Variants in ABCB4 observed in about 807,000 individuals in gnomAD.
ABCB4 encodes phosphatidylcholine translocator ABCB4.
A neutral mutation model predicts 145.7 loss-of-function variants in ABCB4; 76 were observed. The observed-to-expected ratio is 0.52, with a 90% confidence interval of 0.43 to 0.63. ABCB4 has a LOEUF of 0.63. Among genes scored for constraint, ABCB4 ranks in the 30% least tolerant of loss-of-function variants. The probability of loss-of-function intolerance (pLI) is 0.00; values close to 1 mark genes in which losing one functional copy is unlikely to be tolerated. For synonymous variants in ABCB4, 517 were observed against 566.8 expected (o/e 0.91, Z 1.25); for missense variants, 1,234 against 1,553.1 (o/e 0.79, Z 3.45).
downstream of ABCB4, chr7:87,398,535 C>T: frequency 2.5e-6 from 4 of 1,613,658 alleles, no homozygotes; most frequent in Non-Finnish European, 3.4e-6. Flanking sequence ...TTTGTTGTGG[C>T]CTGTTCAGCC....
chr7:87,442,445 C>T (rs1442961749), intron 12 of ABCB4, among the ~76,000 whole-genome samples: 1 of 151,892 alleles, frequency 6.6e-6, no homozygotes, highest in East Asian at 1.9e-4. Flanking sequence ...AATTATAATC[C>T]ATTTTAATAT....
intron 9 of ABCB4, among the ~76,000 whole-genome samples, chr7:87,446,318 C>T (rs1811341169): frequency 6.6e-6 from 1 of 152,074 alleles, no homozygotes; most frequent in East Asian, 1.9e-4. Context: ...TTCTGAGTCT[C>T]TGACATGAAA....
intron 3 of ABCB4, among the ~76,000 whole-genome samples, chr7:87,467,018 C>T (rs1812952578): frequency 6.6e-6 from 1 of 152,174 alleles, no homozygotes; most frequent in Admixed American, 6.5e-5. Flanking sequence ...CAGCTAAAAT[C>T]ATAATGACAG....
rs753463019 is a variant in ABCB4, at chr7:87,418,644, TGTTA to T, written c.2395-28_2395-25del. The T allele has an allele frequency of 3.7e-6, 6 of 1,608,488 alleles. No homozygotes were observed. The African/African-American group carries it at 8.0e-5, about 21-fold the overall frequency. On this transcript the variant is annotated intron_variant, in intron 19 of 27. Coordinates refer to ENST00000649586, the MANE Select transcript of ABCB4 (RefSeq NM_000443.4). ...TCCTATGGCATAAAATACACGTTTA[TGTTA>T]GTTCAAAATTAAAACAAGCAAAGAA...
At chr7:87,432,556 T>C (rs1454220794) in intron 14 of ABCB4, among the ~76,000 whole-genome samples, 1 of 152,226 alleles carries the variant, frequency 6.6e-6, no homozygotes, top group African/African-American at 2.4e-5. Context: ...ATAGAATGCA[T>C]TTTGATTCAC....
chr7:87,444,184 G>T (rs1468200478), intron 10 of ABCB4, among the ~76,000 whole-genome samples: 1 of 152,130 alleles, frequency 6.6e-6, no homozygotes, highest in Non-Finnish European at 1.5e-5. Context: ...GTAATAGATT[G>T]AATTGAGAAG....
the ABCB4 span, among the ~76,000 whole-genome samples, chr7:87,370,274 C>T: frequency 2.4e-4 from 36 of 152,270 alleles, no homozygotes; most frequent in South Asian, 5.0e-3. Flanking sequence ...CCTCCACATT[C>T]CAGGTTCAAG....
intron 22 of ABCB4, among the ~76,000 whole-genome samples, chr7:87,412,894 C>T (rs1228839160): frequency 6.6e-6 from 1 of 152,124 alleles, no homozygotes; most frequent in Non-Finnish European, 1.5e-5. Flanking sequence ...CAAATGGACA[C>T]AAAGGTGTAG....
In ABCB4 at chr7:87,457,269, G is replaced by A. The variant is rs1158335610; in HGVS notation, c.287-2677C>T. Reference sequence around the variant, plus strand: ...TCCACCTTTACAAAAAGTTGGCCGGGCATGGTGGCAGGTGCCTGTAGTCCC... The same window carrying A: ...TCCACCTTTACAAAAAGTTGGCCGGACATGGTGGCAGGTGCCTGTAGTCCC... On this transcript the variant is annotated intron_variant, in intron 4 of 27. Transcript: ENST00000649586. Among the ~76,000 whole-genome samples, 5 of 152,140 alleles carry A rather than the reference G, an allele frequency of 3.3e-5. No homozygotes were observed. In the East Asian group the frequency reaches 9.6e-4, roughly 29 times the overall value.
At chr7:87,441,118 T>C (rs1430212258) in intron 12 of ABCB4, among the ~76,000 whole-genome samples, 1 of 152,244 alleles carries the variant, frequency 6.6e-6, no homozygotes, top group African/African-American at 2.4e-5. Flanking sequence ...CTTCAATATT[T>C]ATTGCAAGAG....
At chr7:87,449,281 G>A (rs558252979) in intron 8 of ABCB4, among the ~76,000 whole-genome samples, 11 of 151,976 alleles carry the variant, frequency 7.2e-5, no homozygotes, top group African/African-American at 2.7e-4. Flanking sequence ...CTAGGAAGTC[G>A]ATGTTTTCTC....
At chr7:87,424,142 AG>A (rs1809647461) in intron 16 of ABCB4, 90 bp from the exon 17 acceptor site, 1 of 1,524,322 alleles carries the variant, frequency 6.6e-7, no homozygotes, top group South Asian at 1.1e-5. Flanking sequence ...ATTGCCCTCA[AG>A]GGACTCGCAA....
At chr7:87,369,288 A>G in the ABCB4 span, 2 of 752,120 alleles carry the variant, frequency 2.7e-6, no homozygotes, top group South Asian at 3.9e-5. Context: ...TACTGGAAGA[A>G]TGCCTACTTT....
At chr7:87,366,158 T>G in the ABCB4 span, among the ~76,000 whole-genome samples, 2 of 152,280 alleles carry the variant, frequency 1.3e-5, no homozygotes, top group South Asian at 4.1e-4. Flanking sequence ...ATCCATTATA[T>G]CCTCAACCTT....
At chr7:87,415,176 C>A (rs1225788154) in intron 21 of ABCB4, among the ~76,000 whole-genome samples, 1 of 152,120 alleles carries the variant, frequency 6.6e-6, no homozygotes, top group Non-Finnish European at 1.5e-5. Flanking sequence ...ACCAGACAAG[C>A]CCTGGGTCAA....
chr7:87,391,012 G>A, the ABCB4 span, among the ~76,000 whole-genome samples: 2 of 152,192 alleles, frequency 1.3e-5, no homozygotes, highest in Admixed American at 6.5e-5. Context: ...AGCCAAGGCT[G>A]TTTTCATCTG....
chr7:87,473,910 G>T (rs1813615553), intron 2 of ABCB4, among the ~76,000 whole-genome samples: 1 of 152,124 alleles, frequency 6.6e-6, no homozygotes, highest in African/African-American at 2.4e-5. Context: ...ATGTGCCATG[G>T]GCAATAGCAA....
chr7:87,469,543 T>A (rs1439869270), intron 3 of ABCB4, among the ~76,000 whole-genome samples: 2 of 152,192 alleles, frequency 1.3e-5, no homozygotes, highest in Non-Finnish European at 2.9e-5. Flanking sequence ...ACAAAATCAA[T>A]GTGCAAAAAT....
chr7:87,440,812 C>T (rs1014496054), intron 12 of ABCB4, among the ~76,000 whole-genome samples: 3 of 152,118 alleles, frequency 2.0e-5, no homozygotes, highest in Non-Finnish European at 1.5e-5. Context: ...CCCATCTCCA[C>T]TCACTGCAAG....
Sources: allele counts gnomAD v4.1 joint callset (sites outside exome capture counted in the v4.1 genomes callset), GRCh38; gene constraint gnomAD v4.1.1; transcripts MANE v1.5; gene names NCBI Gene and HGNC (gene_info 2026-07-23, HGNC 2026-07-21).